The following BBS9 variants were observed in gnomAD, a reference collection of about 807,000 sequenced individuals.
BBS9 encodes the protein Bardet-Biedl syndrome 9.
In BBS9, 89 loss-of-function variants were observed where a neutral mutation model predicts 117.7. That is an observed-to-expected ratio of 0.76 (90% CI 0.64 to 0.90). The LOEUF is 0.90. Ranked by LOEUF, BBS9 falls within the 40% of genes least tolerant of loss-of-function variation. The pLI is 0.00. For missense variants in BBS9, 982 were observed against 1,042.2 expected (o/e 0.94, Z 0.80); for synonymous variants, 379 against 370.9 (o/e 1.02, Z -0.25).
intron 19 of BBS9, among the ~76,000 whole-genome samples, chr7:33,503,446 TA>T (rs1845723171): frequency 6.6e-6 from 1 of 152,178 alleles, no homozygotes; most frequent in Non-Finnish European, 1.5e-5. Context: ...ATTGGAGGGA[TA>T]GTTATTCACA....
rs555306122 is a variant in BBS9, at chr7:33,290,061, T to A, written c.1016+16105T>A. Among the ~76,000 whole-genome samples the A allele has an allele frequency of 2.0e-3, 309 of 151,718 alleles. 1 individual carries two copies. The highest frequency in any genetic ancestry group is 6.6e-3 in the African/African-American group (274 of 41,366). ...CTCTATCTCAAAAAAAAAAAAAAAT[T>A]TTTTTAGAAGGAAATTACTTTGAAT... is the stretch of plus-strand genomic sequence containing the variant. On this transcript the variant is annotated intron_variant, in intron 9 of 22. Transcript: ENST00000242067.
intron 21 of BBS9, among the ~76,000 whole-genome samples, chr7:33,613,011 G>A (rs1167775461): frequency 6.6e-6 from 1 of 151,974 alleles, no homozygotes. Context: ...ACATTGTCCT[G>A]GGCACCAGGG....
chr7:33,536,655 G>C (rs932011230), intron 21 of BBS9, among the ~76,000 whole-genome samples: 1 of 18,988 alleles, frequency 5.3e-5, no homozygotes, highest in Non-Finnish European at 1.1e-4. Flanking sequence ...GCCTCCTCCT[G>C]TGTAAGCTGT....
At chr7:33,172,419 G>A (rs545148070) in intron 4 of BBS9, among the ~76,000 whole-genome samples, 3 of 151,450 alleles carry the variant, frequency 2.0e-5, no homozygotes, top group South Asian at 4.2e-4. Flanking sequence ...AAAAGAACAC[G>A]ACTCTAGACC....
chr7:33,599,148 C>T (rs1563428685), intron 21 of BBS9, among the ~76,000 whole-genome samples: 1 of 152,128 alleles, frequency 6.6e-6, no homozygotes, highest in East Asian at 1.9e-4. Flanking sequence ...CTAAGAGGCC[C>T]AATTCACCTG....
At chr7:33,221,071 G>A (rs758568498) in intron 5 of BBS9, among the ~76,000 whole-genome samples, 2 of 152,138 alleles carry the variant, frequency 1.3e-5, no homozygotes, top group Admixed American at 6.5e-5. Flanking sequence ...TATCAACTGC[G>A]GCCAAAGCCT....
intron 20 of BBS9, among the ~76,000 whole-genome samples, chr7:33,518,005 C>G (rs1005565108): frequency 2.6e-5 from 4 of 152,108 alleles, no homozygotes; most frequent in African/African-American, 7.2e-5. Context: ...AACACTAAAA[C>G]AAACTCAAGC....
intron 21 of BBS9, among the ~76,000 whole-genome samples, chr7:33,537,323 G>A (rs542165182): frequency 1.3e-5 from 2 of 152,272 alleles, no homozygotes; most frequent in East Asian, 3.9e-4. Flanking sequence ...ATCCTCCCTG[G>A]CGTCCAGAGT....
Position 33,183,348 on chromosome 7 carries a change from C to G in BBS9, c.442+5757C>G, listed in dbSNP as rs201092584. Among the ~76,000 whole-genome samples the G allele has an allele frequency of 3.9e-5, 6 of 152,002 alleles. No individual in the cohort carries two copies. The East Asian group carries it at 1.2e-3, about 29-fold the overall frequency. The stretch of plus-strand genomic sequence containing the variant: ...TCAGTTGACTGAGAAGAAAAAACCC[C>G]TTTTCCAGAAAAACACAATCCACGA... On this transcript the variant is annotated intron_variant, in intron 5 of 22. Transcript: ENST00000242067.
intron 21 of BBS9, among the ~76,000 whole-genome samples, chr7:33,616,051 G>C (rs1182371075): frequency 6.6e-6 from 1 of 151,992 alleles, no homozygotes; most frequent in African/African-American, 2.4e-5. Context: ...TGTGTTAAAA[G>C]AAGTGATTCA....
chr7:33,581,030 G>C (rs1047228148), intron 21 of BBS9, among the ~76,000 whole-genome samples: 1 of 151,960 alleles, frequency 6.6e-6, no homozygotes, highest in Non-Finnish European at 1.5e-5. Flanking sequence ...GTCAGAGAAA[G>C]CCTTTGTCTA....
At chr7:33,509,792 A>G (rs1401400732) in intron 20 of BBS9, among the ~76,000 whole-genome samples, 1 of 152,194 alleles carries the variant, frequency 6.6e-6, no homozygotes, top group African/African-American at 2.4e-5. Flanking sequence ...CAGGTTCACA[A>G]TGCAAAAATA....
At chr7:33,477,417 T>C (rs907165809) in intron 19 of BBS9, among the ~76,000 whole-genome samples, 3 of 152,214 alleles carry the variant, frequency 2.0e-5, no homozygotes, top group Non-Finnish European at 4.4e-5. Context: ...CACTTCTTTT[T>C]TCCTTCTAGT....
At chr7:33,402,525 A>G (rs543449364) in intron 19 of BBS9, among the ~76,000 whole-genome samples, 125 of 152,198 alleles carry the variant, frequency 8.2e-4, no homozygotes, top group African/African-American at 2.9e-3. Context: ...TCCCACTCCA[A>G]CTACAAGAAA....
rs79732338 is a variant in BBS9 at position 33,559,894 on chromosome 7, T to A, written c.2521+25718T>A. Among the ~76,000 whole-genome samples, 37 of 152,218 alleles carry A rather than the reference T, an allele frequency of 2.4e-4. No homozygotes were observed. In the East Asian group the frequency reaches 6.8e-3, roughly 28 times the overall value. On this transcript the variant is annotated intron_variant, in intron 21 of 22. Coordinates refer to ENST00000242067, the MANE Select transcript of BBS9 (RefSeq NM_198428.3). ...ATGCATATTCTCCTTTGTTCCCAGA[T>A]CTCCCTGATCCTGGGCATATTATTC...
chr7:33,478,810 C>T (rs1368648214), intron 19 of BBS9, among the ~76,000 whole-genome samples: 1 of 149,028 alleles, frequency 6.7e-6, no homozygotes, highest in East Asian at 2.0e-4. Context: ...CTTGACATGT[C>T]TGCAAAACAG....
intron 4 of BBS9, among the ~76,000 whole-genome samples, chr7:33,169,638 G>A (rs9690835): frequency 0.15 from 21,870 of 147,116 alleles, 1,693 homozygotes; most frequent in South Asian, 0.19. Context: ...CATGTCCTTC[G>A]CCCACTTTTT....
At position 33,536,377 on chromosome 7, in the gene BBS9, C is replaced by T. The variant is rs920622064; in HGVS notation, c.2521+2201C>T. 1.1e-4 allele frequency among the ~76,000 whole-genome samples: 17 copies of T among 152,280 alleles called. No homozygotes were observed. In the South Asian group the frequency reaches 2.7e-3, roughly 24 times the overall value. On this transcript the variant is annotated intron_variant, in intron 21 of 22. Coordinates refer to ENST00000242067, the MANE Select transcript of BBS9 (RefSeq NM_198428.3). ...ATCAGCACTTGTTGTCATTAACATG[C>T]TTAATTATTGCCTATACTACTTTTC...
intron 9 of BBS9, among the ~76,000 whole-genome samples, chr7:33,331,579 T>C (rs759113374): frequency 2.6e-5 from 4 of 151,216 alleles, no homozygotes; most frequent in African/African-American, 9.7e-5. Flanking sequence ...AAAATCAATG[T>C]ACGTAGATCA....
Sources: gnomAD v4.1 joint callset for allele counts (sites outside exome capture counted in the v4.1 genomes callset) on GRCh38, gnomAD v4.1.1 for gene constraint, MANE v1.5 for transcripts, NCBI Gene and HGNC (gene_info 2026-07-23, HGNC 2026-07-21) for gene names.